The following GIT2 variants were observed in gnomAD, a reference collection of about 807,000 sequenced individuals.
GIT2 encodes GIT ArfGAP 2.
Under a neutral mutation model 100.3 loss-of-function variants are expected in GIT2, and 32 were observed. The ratio of observed to expected loss-of-function variants is 0.32; its 90% CI spans 0.24 to 0.43. The LOEUF is 0.43. Among genes scored for constraint, GIT2 ranks in the 20% least tolerant of loss-of-function variants. The probability of loss-of-function intolerance (pLI) is 1.00; values close to 1 mark genes in which losing one functional copy is unlikely to be tolerated. For missense variants in GIT2, 737 were observed against 975.1 expected, an observed-to-expected ratio of 0.76 and a Z score of 3.25; for synonymous variants, 353 against 364.1, an observed-to-expected ratio of 0.97 and a Z score of 0.35.
At chr12:109,990,176 T>C (rs572214374) in intron 2 of GIT2, among the ~76,000 whole-genome samples, 1 of 152,194 alleles carries the variant, frequency 6.6e-6, no homozygotes, top group Non-Finnish European at 1.5e-5. Context: ...GCCACTTACT[T>C]GTAAAAACAA....
chr12:109,950,024 G>A (rs939112739), intron 14 of GIT2, among the ~76,000 whole-genome samples: 2 of 152,218 alleles, frequency 1.3e-5, no homozygotes, highest in African/African-American at 4.8e-5. Flanking sequence ...GTTCGTTTAA[G>A]GCTAGCTGAT....
At chr12:109,945,422 G>A in intron 15 of GIT2, 73 bp from the exon 16 acceptor site, 1 of 763,936 alleles carries the variant, frequency 1.3e-6, no homozygotes, top group Non-Finnish European at 2.3e-6. Flanking sequence ...GCCAGCTTCA[G>A]TAAAAGAATC....
At chr12:109,960,330 A>G (rs1185863046) in intron 11 of GIT2, among the ~76,000 whole-genome samples, 2 of 152,190 alleles carry the variant, frequency 1.3e-5, no homozygotes, top group Admixed American at 1.3e-4. Context: ...GAATTTTTAA[A>G]TTTTAAGTTT....
chr12:109,958,632 G>T (rs7980200), intron 12 of GIT2, among the ~76,000 whole-genome samples: 139 of 152,122 alleles, frequency 9.1e-4, no homozygotes, highest in African/African-American at 3.1e-3. Flanking sequence ...CTTATTCCTG[G>T]TTGAACAGAT....
intron 18 of GIT2, 59 bp downstream of exon 18, chr12:109,938,321 A>G: frequency 8.1e-7 from 1 of 1,237,090 alleles, no homozygotes; most frequent in Non-Finnish European, 1.2e-6. Context: ...CATGGGCATC[A>G]TCCCTTTCTG....
At chr12:109,944,825 TAAA>T (rs200126475) in intron 16 of GIT2, among the ~76,000 whole-genome samples, 6 of 134,142 alleles carry the variant, frequency 4.5e-5, no homozygotes, top group African/African-American at 5.5e-5. Flanking sequence ...TGTCACAGGT[TAAA>T]AAAAAAAAAA....
chr12:109,934,091 A>T lies in GIT2; in HGVS notation c.2004-6T>A. 2 of 1,463,176 alleles carry T rather than the reference A, an allele frequency of 1.4e-6. No homozygotes were observed. Among genetic ancestry groups the T allele is most frequent in the Non-Finnish European group, 1.9e-6 (2 of 1,042,422 alleles). The allele number at this position is 1,463,176 out of a possible 1,614,324, so 90.6% of individuals were successfully genotyped here. A position where few individuals can be genotyped will look rare whatever the true frequency, so the allele number is the denominator to read the frequency against. On this transcript the variant is annotated splice_polypyrimidine_tract_variant and splice_region_variant and intron_variant, in intron 18 of 19. Transcript: ENST00000355312. This position sits in a 1 kb window ranked among gnomAD's most constrained non-coding sequence, Gnocchi z 4.5. The stretch of plus-strand genomic sequence containing the variant: ...TCTCTGAGCAGGGAATATAACTGCA[A>T]GAATATTGAAGAAGTTATTCAATGA...
chr12:109,991,083 G>A (rs1888271525), intron 2 of GIT2, among the ~76,000 whole-genome samples: 1 of 152,210 alleles, frequency 6.6e-6, no homozygotes, highest in South Asian at 2.1e-4. Flanking sequence ...AGGTTGAGGT[G>A]TGGATCACTT....
chr12:109,957,257 A>G (rs1350956215), intron 12 of GIT2, among the ~76,000 whole-genome samples: 3 of 151,980 alleles, frequency 2.0e-5, no homozygotes, highest in Non-Finnish European at 4.4e-5. Context: ...TATTGAAAAG[A>G]GCCTGGCACC....
intron 17 of GIT2, chr12:109,938,946 G>A (rs1487907578): frequency 1.8e-6 from 1 of 544,508 alleles, no homozygotes; most frequent in Non-Finnish European, 3.3e-6. Flanking sequence ...GACAGCTAGA[G>A]ACACATAACA....
chr12:109,979,327 G>A (rs1489133330), intron 7 of GIT2, among the ~76,000 whole-genome samples: 2 of 138,194 alleles, frequency 1.4e-5, no homozygotes, highest in Non-Finnish European at 3.0e-5. Flanking sequence ...CCAGGCTGGA[G>A]TGCAGTGGCG....
intron 4 of GIT2, among the ~76,000 whole-genome samples, chr12:109,988,681 C>T (rs1593153792): frequency 6.6e-6 from 1 of 151,874 alleles, no homozygotes; most frequent in Non-Finnish European, 1.5e-5. Flanking sequence ...GGTGAAACCC[C>T]GTCTCTACTA....
At position 109,953,119 on chromosome 12, in the gene GIT2, G is replaced by A. The variant is rs777617261; in HGVS notation, c.1215C>T (p.Thr405=). 4.3e-6 allele frequency: 7 copies of A among 1,614,038 alleles called. No individual in the cohort carries two copies. The highest frequency in any genetic ancestry group is 5.9e-6 in the Non-Finnish European group (7 of 1,180,038). Reference sequence around the variant, plus strand: ...TCTGCCGGTTTGTTTTGCTTGCAGTGGTTTCCAAATCTGTGTCTTCGTCTG... The same window carrying A: ...TCTGCCGGTTTGTTTTGCTTGCAGTAGTTTCCAAATCTGTGTCTTCGTCTG... ...VASDEDTDLE[T]TASKTNRQKS... Residue 405 remains threonine, a synonymous_variant, in exon 13 of 20, where the codon ACC becomes ACT. Transcript: ENST00000355312.
intron 8 of GIT2, 102 bp downstream of exon 8, chr12:109,967,356 T>C: frequency 1.3e-6 from 2 of 1,583,678 alleles, no homozygotes; most frequent in Non-Finnish European, 1.7e-6. Context: ...AAGAGAAAAA[T>C]GTATGGGCTT....
chr12:109,986,053 A>G (rs1258811029), intron 4 of GIT2, among the ~76,000 whole-genome samples: 1 of 151,516 alleles, frequency 6.6e-6, no homozygotes, highest in African/African-American at 2.4e-5. Flanking sequence ...GTGCCGTGGC[A>G]TGATCTCAGC....
Position 109,931,504 on chromosome 12 carries a change from C to G in GIT2, c.*1474G>C, listed in dbSNP as rs1871626853. On this transcript the variant is annotated 3_prime_UTR_variant, in exon 20 of 20. Transcript: ENST00000355312. ...ATGGAGAGATGGCACCAAAAAACAT[C>G]TAGGTTTCTTGTCTCTTGAAAAATC... is the stretch of plus-strand genomic sequence containing the variant. 1 of 152,254 alleles carries G rather than the reference C, an allele frequency of 6.6e-6. No homozygotes were observed. Among genetic ancestry groups the G allele is most frequent in the Non-Finnish European group, 1.5e-5 (1 of 68,050 alleles). The allele number at this position is 152,254 out of a possible 1,614,324, so 9.4% of individuals were successfully genotyped here. A position where few individuals can be genotyped will look rare whatever the true frequency, so the allele number is the denominator to read the frequency against.
chr12:109,993,993 G>C (rs1768425115), intron 1 of GIT2, among the ~76,000 whole-genome samples: 1 of 145,686 alleles, frequency 6.9e-6, no homozygotes, highest in Admixed American at 7.0e-5. Flanking sequence ...AAAAAGCAGA[G>C]ATTGGAAATG....
At chr12:109,967,681 C>A (rs1175662459) in intron 7 of GIT2, among the ~76,000 whole-genome samples, 178 bp from the exon 8 acceptor site, 1 of 152,174 alleles carries the variant, frequency 6.6e-6, no homozygotes, top group Non-Finnish European at 1.5e-5. Flanking sequence ...AGGCTCATAG[C>A]CTTGTTTTTT....
chr12:109,948,327 C>T lies in GIT2; in HGVS notation c.1393-823G>A. On this transcript the variant is annotated intron_variant, in intron 14 of 19. Coordinates refer to ENST00000355312, the MANE Select transcript of GIT2 (RefSeq NM_057169.5). This position sits in a 1 kb window ranked among gnomAD's most constrained non-coding sequence, Gnocchi z 4.3. ...GCCTTTCTCTCCTTTGGCTTTGTCA[C>T]CCAAAAAACACGACCTCAGTGGTGT... The T allele has an allele frequency of 1.0e-6, 1 of 987,746 alleles. No individual in the cohort carries two copies. The highest frequency in any genetic ancestry group is 1.2e-6 in the Non-Finnish European group (1 of 831,552). The allele number at this position is 987,746 out of a possible 1,614,324, so 61.2% of individuals were successfully genotyped here. A position where few individuals can be genotyped will look rare whatever the true frequency, so the allele number is the denominator to read the frequency against.
Sources: allele counts gnomAD v4.1 joint callset (sites outside exome capture counted in the v4.1 genomes callset), GRCh38; gene constraint gnomAD v4.1.1; non-coding constraint Gnocchi (gnomAD v3.1); transcripts MANE v1.5; gene names NCBI Gene and HGNC (gene_info 2026-07-23, HGNC 2026-07-21).